UBR4: variants seen among roughly 807,000 people sequenced by gnomAD.
UBR4 encodes E3 ubiquitin-protein ligase UBR4.
Under a neutral mutation model 575.6 loss-of-function variants are expected in UBR4, and 124 were observed. That is an observed-to-expected ratio of 0.22 (90% CI 0.19 to 0.25). The LOEUF (loss-of-function observed/expected upper bound fraction) is 0.25, where lower values mean the gene tolerates loss of function less well. Ranked by LOEUF, UBR4 falls within the 10% of genes least tolerant of loss-of-function variation. UBR4 has a pLI of 1.00. For synonymous variants in UBR4, 2,455 were observed against 2,473.7 expected (o/e 0.99, Z 0.22); for missense variants, 4,818 against 6,478.8 (o/e 0.74, Z 8.80).
rs1384512945 is a variant in UBR4, at chr1:19,167,142, C to T, written c.3989G>A (p.Ser1330Asn). ...CAAGATGCGTTCCAGGGAGTTGCTA[C>T]TGATCTCGGCAACACTCTCAGTGCT... is the stretch of plus-strand genomic sequence containing the variant. ...ESSTESVAEI[S>N]SNSLERILGP... Residue 1330 changes from serine to asparagine, a missense_variant, in exon 29 of 106, where the codon AGT (serine) becomes AAT (asparagine). Ser to Asn is a conservative substitution (Grantham distance 46). Coordinates refer to ENST00000375254, the MANE Select transcript of UBR4 (RefSeq NM_020765.3). The T allele has an allele frequency of 1.2e-6, 2 of 1,614,212 alleles. No individual in the cohort carries two copies. The highest frequency in any genetic ancestry group is 4.5e-5 in the East Asian group (2 of 44,876).
intron 27 of UBR4, 103 bp downstream of exon 27, chr1:19,169,332 G>C (rs1004957692): frequency 7.8e-6 from 7 of 902,726 alleles, no homozygotes; most frequent in Non-Finnish European, 1.1e-5. Context: ...AGTATATGAA[G>C]ATATCTTGGT....
chr1:19,084,466 G>C (rs755816016), intron 102 of UBR4, 38 bp downstream of exon 102: 1 of 1,568,812 alleles, frequency 6.4e-7, no homozygotes, highest in Non-Finnish European at 8.7e-7. Context: ...TGCAGGGTGG[G>C]TCTGCGAGAT....
intron 58 of UBR4, among the ~76,000 whole-genome samples, chr1:19,140,091 C>G (rs570678385): frequency 1.3e-5 from 2 of 152,106 alleles, no homozygotes; most frequent in African/African-American, 4.8e-5. Flanking sequence ...GCTAAAACTT[C>G]CAAAAGAAAA....
At position 19,151,630 on chromosome 1, in the gene UBR4, G is replaced by A. The variant is rs918435878; in HGVS notation, c.7213+13C>T. 13 of 1,613,866 alleles carry A rather than the reference G, an allele frequency of 8.1e-6. No individual in the cohort carries two copies. Among genetic ancestry groups the A allele is most frequent in the Non-Finnish European group, 1.1e-5 (13 of 1,179,826 alleles). On this transcript the variant is annotated intron_variant, in intron 48 of 105. Coordinates refer to ENST00000375254, the MANE Select transcript of UBR4 (RefSeq NM_020765.3). ...AATGAGGACAGAGTCTGCACCAGGG[G>A]TTGGTGACTCACTGAAGAGGTTCAG...
At chr1:19,150,290 G>A (rs1452700409) in intron 49 of UBR4, among the ~76,000 whole-genome samples, 3 of 152,184 alleles carry the variant, frequency 2.0e-5, no homozygotes, top group South Asian at 2.1e-4. Flanking sequence ...CTTGAGCATC[G>A]TCTAGCCTGT....
rs965543474 is a variant in UBR4 at position 19,198,657 on chromosome 1, A to C, written c.532T>G (p.Ser178Ala). 2 of 1,614,206 alleles carry C rather than the reference A, an allele frequency of 1.2e-6. No individual in the cohort carries two copies. Among genetic ancestry groups the C allele is most frequent in the Non-Finnish European group, 1.7e-6 (2 of 1,180,044 alleles). Residue 178 changes from serine (S) to alanine (A), a missense_variant, in exon 5 of 106, where the codon TCA becomes GCA. Around this residue, in one of 29 missense-constraint regions of UBR4, gnomAD observed 83 missense variants for 77.3 expected, o/e 1.07. Coordinates refer to ENST00000375254, the MANE Select transcript of UBR4 (RefSeq NM_020765.3). The part of the protein sequence containing the change: ...SDVEDQKELA[S>A]PVSPELRQKE... Reference sequence around the variant, plus strand: ...TGCCTCAACTCAGGGCTTACTGGTGAGGCCAGCTCTTTCTGATCTTCCACT... The same window carrying C: ...TGCCTCAACTCAGGGCTTACTGGTGCGGCCAGCTCTTTCTGATCTTCCACT...
intron 55 of UBR4, among the ~76,000 whole-genome samples, chr1:19,142,043 A>C (rs931799122): frequency 6.6e-6 from 1 of 152,236 alleles, no homozygotes; most frequent in Non-Finnish European, 1.5e-5. Context: ...CTTGGATTCC[A>C]AAGGGATTTC....
At chr1:19,199,062 G>T in intron 3 of UBR4, 134 bp from the exon 4 acceptor site, 1 of 1,008,158 alleles carries the variant, frequency 9.9e-7, no homozygotes, top group Non-Finnish European at 1.4e-6. Context: ...AAGACTGCAA[G>T]CTGATGTCCT....
intron 68 of UBR4, 35 bp downstream of exon 68, chr1:19,121,154 C>T (rs1230815067): frequency 6.2e-7 from 1 of 1,605,864 alleles, no homozygotes; most frequent in African/African-American, 1.3e-5. Context: ...TTACATACAT[C>T]ATTGTAGTCA....
chr1:19,168,977 CAA>C (rs35946919), intron 27 of UBR4, among the ~76,000 whole-genome samples: 11 of 117,180 alleles, frequency 9.4e-5, no homozygotes, highest in African/African-American at 9.2e-5. Flanking sequence ...GACTCCGTCT[CAA>C]AAAAAAAAAA....
rs1024033628 is a variant in UBR4, at chr1:19,158,452, A to AT, written c.5578-456dup. On this transcript the variant is annotated intron_variant, in intron 39 of 105. Coordinates refer to ENST00000375254, the MANE Select transcript of UBR4 (RefSeq NM_020765.3). ...AGAGTATCAAATAAAACCGTGACTC[A>AT]TTTTTTTTTTTGAGACAAGGTTTCT... is the stretch of plus-strand genomic sequence containing the variant. Among the ~76,000 whole-genome samples, 222 of 146,584 alleles carry AT rather than the reference A, an allele frequency of 1.5e-3. 1 individual carries two copies. The highest frequency in any genetic ancestry group is 2.4e-3 in the Admixed American group (36 of 14,710).
chr1:19,182,565 G>A (rs2091093041), intron 17 of UBR4, among the ~76,000 whole-genome samples: 2 of 152,126 alleles, frequency 1.3e-5, no homozygotes. Context: ...CACAGCTACT[G>A]TATCATTCTA....
rs1476517206 is a variant in UBR4 at position 19,106,913 on chromosome 1, A to G, written c.12159T>C (p.His4053=). 3 of 1,613,258 alleles carry G rather than the reference A, an allele frequency of 1.9e-6. No individual in the cohort carries two copies. In the South Asian group the frequency reaches 3.3e-5, roughly 18 times the overall value. ...TCTTGAGCCACAGTTGAGCCTGGGC[A>G]TGGATCTCATTGCAGTATGGCTTCA... ...TTVKPYCNEI[H]AQAQLWLKRD... is the part of the protein sequence containing the mutation. Residue 4053 remains histidine (H), a synonymous_variant, in exon 82 of 106, where the codon CAT becomes CAC. Transcript: ENST00000375254.
At position 19,155,481 on chromosome 1, in the gene UBR4, T is replaced by C. The variant is rs2086317257; in HGVS notation, c.6260A>G (p.Tyr2087Cys). The C allele has an allele frequency of 6.2e-7, 1 of 1,614,148 alleles. No homozygotes were observed. Reference sequence around the variant, plus strand: ...ATTGATTTCCAACACATTAGTGACATAGAAGGGTCCCTGCTGGGCACTGCT... The same window carrying C: ...ATTGATTTCCAACACATTAGTGACACAGAAGGGTCCCTGCTGGGCACTGCT... ...EASSAQQGPF[Y>C]VTNVLEINHE... Residue 2087 changes from tyrosine to cysteine, a missense_variant, in exon 43 of 106, where the codon TAT (tyrosine) becomes TGT (cysteine). Transcript: ENST00000375254.
chr1:19,189,728 T>C (rs1428496398), intron 11 of UBR4, among the ~76,000 whole-genome samples: 1 of 152,228 alleles, frequency 6.6e-6, no homozygotes, highest in African/African-American at 2.4e-5. Context: ...ACAGCCATTT[T>C]AAAAGCATAA....
intron 68 of UBR4, among the ~76,000 whole-genome samples, chr1:19,120,861 T>G (rs1411122055): frequency 2.0e-5 from 3 of 152,240 alleles, no homozygotes; most frequent in African/African-American, 4.8e-5. Context: ...CATTTACCAA[T>G]GTACTCAGTG....
chr1:19,112,989 A>G, intron 77 of UBR4, 122 bp from the exon 78 acceptor site: 1 of 991,346 alleles, frequency 1.0e-6, no homozygotes, highest in Non-Finnish European at 1.4e-6. Flanking sequence ...AATCTTCTCA[A>G]TAACCCAACT....
intron 15 of UBR4, 41 bp downstream of exon 15, chr1:19,185,058 C>T: frequency 6.2e-7 from 1 of 1,612,036 alleles, no homozygotes; most frequent in African/African-American, 1.3e-5. Context: ...CCCCTAGCTC[C>T]CCATGTCCAC....
Position 19,115,361 on chromosome 1 carries a change from T to G in UBR4, c.11063+37A>C, listed in dbSNP as rs370180311. ...TACTACAGAAAAATAACAAGGAATG[T>G]GCACAGCCCTGGCCTAGGGGATGAC... On this transcript the variant is annotated intron_variant, in intron 74 of 105. Transcript: ENST00000375254. 11 of 1,602,726 alleles carry G rather than the reference T, an allele frequency of 6.9e-6. No homozygotes were observed. In the African/African-American group the frequency reaches 1.5e-4, roughly 22 times the overall value.
Sources: allele counts gnomAD v4.1 joint callset (sites outside exome capture counted in the v4.1 genomes callset), GRCh38; gene constraint gnomAD v4.1.1; regional missense constraint gnomAD v4.1.1; transcripts MANE v1.5; gene names NCBI Gene and HGNC (gene_info 2026-07-23, HGNC 2026-07-21).